The following ZNG1B variants were observed in gnomAD, a reference collection of about 807,000 sequenced individuals.
ZNG1B encodes zinc-regulated GTPase metalloprotein activator 1B.
At chr2:113,474,920 A>C in the ZNG1B span, among the ~76,000 whole-genome samples, 1 of 149,358 alleles carries the variant, frequency 6.7e-6, no homozygotes, top group Non-Finnish European at 1.5e-5. Flanking sequence ...TATGTGGTCA[A>C]TTTTGGAATA....
the ZNG1B span, among the ~76,000 whole-genome samples, chr2:113,488,340 C>A: frequency 6.6e-6 from 1 of 152,130 alleles, no homozygotes; most frequent in Non-Finnish European, 1.5e-5. Flanking sequence ...CAAGGGAACA[C>A]CCCGTAGGAC....
chr2:113,457,933 T>C, the ZNG1B span, among the ~76,000 whole-genome samples: 2 of 144,784 alleles, frequency 1.4e-5, no homozygotes, highest in African/African-American at 5.1e-5. Context: ...CCTTTGTTTC[T>C]TGTGGTAAGT....
At chr2:113,472,900 A>T in the ZNG1B span, among the ~76,000 whole-genome samples, 16 of 151,534 alleles carry the variant, frequency 1.1e-4, no homozygotes, top group East Asian at 3.1e-3. Flanking sequence ...CTTGTAGTAT[A>T]GTTTGAAGTC....
the ZNG1B span, among the ~76,000 whole-genome samples, chr2:113,459,116 G>C: frequency 2.0e-5 from 3 of 152,030 alleles, no homozygotes; most frequent in Non-Finnish European, 4.4e-5. Context: ...TATTAAACTT[G>C]GTCTTTTGGC....
At chr2:113,467,115 T>G in the ZNG1B span, among the ~76,000 whole-genome samples, 2 of 151,454 alleles carry the variant, frequency 1.3e-5, no homozygotes, top group Non-Finnish European at 2.9e-5. Flanking sequence ...AACAAAATAG[T>G]CAAAGTCACT....
the ZNG1B span, chr2:113,466,624 T>C: frequency 1.0e-6 from 1 of 985,352 alleles, no homozygotes; most frequent in Non-Finnish European, 1.2e-6. Flanking sequence ...AGTACTTCCT[T>C]GCTATGAGGA....
chr2:113,438,601 A>G, the ZNG1B span, among the ~76,000 whole-genome samples: 2 of 151,820 alleles, frequency 1.3e-5, no homozygotes, highest in East Asian at 1.9e-4. Flanking sequence ...CTCCAAGACT[A>G]TTTCTCAAAC....
At chr2:113,460,377 T>C in the ZNG1B span, among the ~76,000 whole-genome samples, 17 of 152,204 alleles carry the variant, frequency 1.1e-4, no homozygotes, top group Non-Finnish European at 2.4e-4. Context: ...TTTATGACGT[T>C]ATGTGAATCA....
the ZNG1B span, among the ~76,000 whole-genome samples, chr2:113,490,562 A>G: frequency 6.6e-6 from 1 of 152,102 alleles, no homozygotes; most frequent in Non-Finnish European, 1.5e-5. Context: ...CTTTGAAAAG[A>G]TAAATAAAAT....
chr2:113,462,103 T>C, the ZNG1B span, among the ~76,000 whole-genome samples: 1 of 152,176 alleles, frequency 6.6e-6, no homozygotes, highest in African/African-American at 2.4e-5. Flanking sequence ...TGTAAACTTT[T>C]TGAGACTTAT....
chr2:113,476,630 T>G, the ZNG1B span, among the ~76,000 whole-genome samples: 1 of 150,234 alleles, frequency 6.7e-6, no homozygotes, highest in South Asian at 2.1e-4. Flanking sequence ...GCTCTGTTTT[T>G]TCCCCATCTT....
chr2:113,470,274 G>A, the ZNG1B span: 3 of 152,530 alleles, frequency 2.0e-5, no homozygotes, highest in South Asian at 2.1e-4. Flanking sequence ...GATTGCAGGC[G>A]TGAGCCACCG....
chr2:113,476,907 A>G, the ZNG1B span, among the ~76,000 whole-genome samples: 1 of 152,224 alleles, frequency 6.6e-6, no homozygotes, highest in Non-Finnish European at 1.5e-5. Context: ...TGGGGGAACC[A>G]CTGCTCTTTT....
chr2:113,468,445 G>A, the ZNG1B span: 1 of 149,220 alleles, frequency 6.7e-6, no homozygotes, highest in Non-Finnish European at 1.5e-5. Flanking sequence ...GCAGCCTTTA[G>A]ACATAGGGAA....
chr2:113,446,282 AGCTT>A, the ZNG1B span, among the ~76,000 whole-genome samples: 1 of 152,144 alleles, frequency 6.6e-6, no homozygotes, highest in African/African-American at 2.4e-5. Flanking sequence ...TCACAGAGAA[AGCTT>A]TTATACAAAT....
chr2:113,472,277 GTCT>G, the ZNG1B span, among the ~76,000 whole-genome samples: 1 of 152,114 alleles, frequency 6.6e-6, no homozygotes, highest in African/African-American at 2.4e-5. Flanking sequence ...CTGCATAAAT[GTCT>G]TCTTTTGAGA....
the ZNG1B span, among the ~76,000 whole-genome samples, chr2:113,456,619 T>C: frequency 6.6e-6 from 1 of 152,098 alleles, no homozygotes; most frequent in East Asian, 1.9e-4. Context: ...AGCAACATTC[T>C]GAATAATGCA....
At chr2:113,462,303 G>A in the ZNG1B span, 34 of 1,248,322 alleles carry the variant, frequency 2.7e-5, no homozygotes, top group Middle Eastern at 2.6e-4. Flanking sequence ...TACATGAGGC[G>A]TTTTTATTTA....
the ZNG1B span, among the ~76,000 whole-genome samples, chr2:113,476,784 G>C: frequency 6.6e-6 from 1 of 152,182 alleles, no homozygotes; most frequent in Non-Finnish European, 1.5e-5. Context: ...GCCGTGTGAG[G>C]TGTCAGTCTG....
Sources: allele counts gnomAD v4.1 joint callset (sites outside exome capture counted in the v4.1 genomes callset), GRCh38; gene constraint gnomAD v4.1.1; transcripts MANE v1.5; gene names NCBI Gene and HGNC (gene_info 2026-07-23, HGNC 2026-07-21).